Variants in XKR4 observed in about 807,000 individuals in gnomAD.
XKR4 encodes XK related 4, also known as XK-related protein 4.
A neutral mutation model predicts 53.9 loss-of-function variants in XKR4; 12 were observed. The observed-to-expected ratio is 0.22, with a 90% confidence interval of 0.14 to 0.36. The LOEUF is 0.36. Ranked by LOEUF, XKR4 falls within the 10% of genes least tolerant of loss-of-function variation. XKR4 has a pLI of 1.00. For synonymous variants in XKR4, 354 were observed against 362.4 expected (o/e 0.98, Z 0.26); for missense variants, 799 against 859.5 (o/e 0.93, Z 0.88).
intron 2 of XKR4, among the ~76,000 whole-genome samples, chr8:55,366,450 G>A (rs1343702281): frequency 6.6e-6 from 1 of 152,234 alleles, no homozygotes; most frequent in Non-Finnish European, 1.5e-5. Context: ...AAACGCCCAG[G>A]CAGCCGAGTC....
rs528701719 is a variant in XKR4, at chr8:55,141,864, A to T, written c.806+38570A>T. Among the ~76,000 whole-genome samples, 3 of 152,110 alleles carry T rather than the reference A, an allele frequency of 2.0e-5. No individual in the cohort carries two copies. The South Asian group carries it at 6.2e-4, about 32-fold the overall frequency. On this transcript the variant is annotated intron_variant, in intron 1 of 2. Coordinates refer to ENST00000327381, the MANE Select transcript of XKR4 (RefSeq NM_052898.2). ...TTTGAATCAAGCAGCTCTAAGGGGC[A>T]TAGAGGGGTGGGGGGTCCCGTGCTC...
At chr8:55,268,054 T>C (rs1305335667) in intron 1 of XKR4, among the ~76,000 whole-genome samples, 1 of 152,218 alleles carries the variant, frequency 6.6e-6, no homozygotes, top group Non-Finnish European at 1.5e-5. Flanking sequence ...GCTGTGCAGT[T>C]GGGCTCTGTC....
At chr8:55,186,216 G>A (rs1333030601) in intron 1 of XKR4, among the ~76,000 whole-genome samples, 1 of 151,970 alleles carries the variant, frequency 6.6e-6, no homozygotes, top group Non-Finnish European at 1.5e-5. Context: ...TTTCCTAAAG[G>A]GCAGAGAAAT....
At chr8:55,435,219 A>T (rs1175625926) in intron 2 of XKR4, among the ~76,000 whole-genome samples, 3 of 152,200 alleles carry the variant, frequency 2.0e-5, no homozygotes, top group Non-Finnish European at 4.4e-5. Context: ...TATAGGGCTA[A>T]TATATTAGCT....
rs1416154628 is a variant in XKR4 at position 55,301,614 on chromosome 8, A to T, written c.807-56064A>T. Among the ~76,000 whole-genome samples the T allele has an allele frequency of 4.6e-5, 7 of 152,344 alleles. No homozygotes were observed. In the East Asian group the frequency reaches 1.4e-3, roughly 29 times the overall value. ...GGAACTAGTTTACAGTCCCAGCAGC[A>T]GTGTAAAAGTGTTCCTATTTCTCCA... is the stretch of plus-strand genomic sequence containing the variant. On this transcript the variant is annotated intron_variant, in intron 1 of 2. Coordinates refer to ENST00000327381, the MANE Select transcript of XKR4 (RefSeq NM_052898.2).
chr8:55,248,937 C>T (rs534207148), intron 1 of XKR4, among the ~76,000 whole-genome samples: 1 of 152,212 alleles, frequency 6.6e-6, no homozygotes, highest in African/African-American at 2.4e-5. Context: ...CTTGATTTGG[C>T]AAAGGAAGAT....
intron 1 of XKR4, among the ~76,000 whole-genome samples, chr8:55,250,966 A>G (rs909470553): frequency 3.3e-5 from 5 of 152,244 alleles, no homozygotes; most frequent in Non-Finnish European, 7.3e-5. Flanking sequence ...ATGTATTCAC[A>G]GAATACACAC....
chr8:55,345,038 T>G (rs976957301), intron 1 of XKR4, among the ~76,000 whole-genome samples: 6 of 152,090 alleles, frequency 3.9e-5, no homozygotes, highest in Admixed American at 2.0e-4. Context: ...TCACAGCAAT[T>G]TGGGAGGCCA....
At chr8:55,103,688 GT>G (rs1298830920) in intron 1 of XKR4, among the ~76,000 whole-genome samples, 5 of 151,592 alleles carry the variant, frequency 3.3e-5, no homozygotes, top group Non-Finnish European at 2.9e-5. Flanking sequence ...TGAATTTGAG[GT>G]GTGTGTTGCC....
At chr8:55,197,580 G>C (rs888173741) in intron 1 of XKR4, among the ~76,000 whole-genome samples, 1 of 146,772 alleles carries the variant, frequency 6.8e-6, no homozygotes, top group African/African-American at 2.6e-5. Context: ...GTCTCGCTCT[G>C]TCACCCAGGC....
chr8:55,501,840 C>G, intron 2 of XKR4, among the ~76,000 whole-genome samples: 1 of 152,256 alleles, frequency 6.6e-6, no homozygotes, highest in East Asian at 1.9e-4. Context: ...TTTGGGTATA[C>G]AGTCATCCCT....
chr8:55,213,856 C>CTTT (rs11433893), intron 1 of XKR4, among the ~76,000 whole-genome samples: 1,214 of 82,162 alleles, frequency 0.015, 7 homozygotes, highest in Non-Finnish European at 0.018. Flanking sequence ...TTCTTTCTTT[C>CTTT]TTTTTTTTTT....
intron 1 of XKR4, among the ~76,000 whole-genome samples, chr8:55,271,510 A>G (rs917567537): frequency 6.6e-6 from 1 of 152,256 alleles, no homozygotes; most frequent in African/African-American, 2.4e-5. Context: ...AGAAGCAAAG[A>G]ATATGCAGAG....
At chr8:55,511,668 A>G (rs1806628046) in intron 2 of XKR4, among the ~76,000 whole-genome samples, 1 of 152,204 alleles carries the variant, frequency 6.6e-6, no homozygotes, top group Non-Finnish European at 1.5e-5. Flanking sequence ...CTTTTTTCCA[A>G]CAAAGTGGAC....
At chr8:55,285,294 G>A (rs1281086769) in intron 1 of XKR4, among the ~76,000 whole-genome samples, 1 of 152,170 alleles carries the variant, frequency 6.6e-6, no homozygotes, top group Non-Finnish European at 1.5e-5. Context: ...TCAGGGACTT[G>A]AATATCATGG....
chr8:55,152,112 C>T (rs1387246344), intron 1 of XKR4, among the ~76,000 whole-genome samples: 2 of 152,044 alleles, frequency 1.3e-5, no homozygotes, highest in Non-Finnish European at 2.9e-5. Context: ...TCTACCCTTC[C>T]AATAGAAGAA....
At chr8:55,367,936 C>T (rs139234497) in intron 2 of XKR4, among the ~76,000 whole-genome samples, 6 of 151,912 alleles carry the variant, frequency 3.9e-5, no homozygotes, top group African/African-American at 7.3e-5. Flanking sequence ...GCAGCCATAG[C>T]GATGCGTTTT....
intron 2 of XKR4, among the ~76,000 whole-genome samples, chr8:55,497,020 A>T (rs1383181014): frequency 1.3e-5 from 2 of 152,200 alleles, no homozygotes; most frequent in Non-Finnish European, 2.9e-5. Context: ...CCTACACCTC[A>T]ATGTCCGGTA....
intron 2 of XKR4, among the ~76,000 whole-genome samples, chr8:55,372,050 C>T (rs776538957): frequency 3.9e-5 from 6 of 152,196 alleles, no homozygotes; most frequent in Non-Finnish European, 7.3e-5. Context: ...TGTTCAGGCA[C>T]AGGGAGAGGA....
Sources: allele counts gnomAD v4.1 joint callset (sites outside exome capture counted in the v4.1 genomes callset), GRCh38; gene constraint gnomAD v4.1.1; transcripts MANE v1.5; gene names NCBI Gene and HGNC (gene_info 2026-07-23, HGNC 2026-07-21).